Variants in FGD5 observed in about 807,000 individuals in gnomAD.
FGD5 encodes FYVE, RhoGEF and PH domain containing 5.
A neutral mutation model predicts 133.4 loss-of-function variants in FGD5; 28 were observed. The ratio of observed to expected loss-of-function variants is 0.21; its 90% confidence interval spans 0.16 to 0.29. The LOEUF (loss-of-function observed/expected upper bound fraction) is 0.29. Ranked by LOEUF, FGD5 falls within the 10% of genes least tolerant of loss-of-function variation. FGD5 has a pLI of 1.00. For missense variants in FGD5, 1,858 were observed against 1,895.2 expected (o/e 0.98, Z 0.36); for synonymous variants, 810 against 776.5 (o/e 1.04, Z -0.72).
intron 2 of FGD5, among the ~76,000 whole-genome samples, chr3:14,876,535 A>C (rs1403293927): frequency 1.3e-5 from 2 of 152,332 alleles, no homozygotes; most frequent in East Asian, 3.9e-4. Context: ...TAAATAAATA[A>C]ATAAATAAAT....
At chr3:14,830,970 AAATC>A (rs939663288) in intron 1 of FGD5, among the ~76,000 whole-genome samples, 3 of 152,250 alleles carry the variant, frequency 2.0e-5, no homozygotes, top group Non-Finnish European at 2.9e-5. Context: ...AAGAATAAAA[AAATC>A]AATGTGATAC....
chr3:14,906,019 G>A lies in FGD5; in HGVS notation c.3265-1621G>A, dbSNP rs116598944. Among the ~76,000 whole-genome samples the A allele has an allele frequency of 7.2e-3, 1,098 of 152,234 alleles. 14 individuals are homozygous for A. The highest frequency in any genetic ancestry group is 0.025 in the African/African-American group (1,043 of 41,514). ...TGATCTGGGTTTGGGTTTTGCTGCC[G>A]TGTCATCAACCTTCAGTGACTGCCA... On this transcript the variant is annotated intron_variant, in intron 9 of 19. Transcript: ENST00000285046.
At chr3:14,822,793 C>G (rs771578348) in intron 1 of FGD5, among the ~76,000 whole-genome samples, 25 of 152,214 alleles carry the variant, frequency 1.6e-4, no homozygotes, top group Non-Finnish European at 2.8e-4. Flanking sequence ...TGTGCAGAAA[C>G]TTAAACCAGT....
chr3:14,813,101 G>T (rs910589927), intron 1 of FGD5, among the ~76,000 whole-genome samples: 1 of 152,118 alleles, frequency 6.6e-6, no homozygotes, highest in African/African-American at 2.4e-5. Flanking sequence ...TGCCTAACAC[G>T]TAGTAGGGTG....
intron 18 of FGD5, chr3:14,931,001 T>TC (rs1489832045): frequency 7.2e-4 from 109 of 152,260 alleles, no homozygotes; most frequent in African/African-American, 2.4e-3. Flanking sequence ...CACAAATAGT[T>TC]CTACCTCTTT....
chr3:14,818,786 T>G (rs6769930), upstream of FGD5, among the ~76,000 whole-genome samples: 6,188 of 151,856 alleles, frequency 0.041, 409 homozygotes, highest in African/African-American at 0.14. Flanking sequence ...AATCAAGGGG[T>G]TTTAAAGATT....
At chr3:14,881,100 A>T (rs1219657599) in intron 4 of FGD5, among the ~76,000 whole-genome samples, 1 of 151,880 alleles carries the variant, frequency 6.6e-6, no homozygotes, top group East Asian at 1.9e-4. Context: ...GCTATGTGTG[A>T]GTTTGTGTAT....
intron 10 of FGD5, 59 bp from the exon 11 acceptor site, chr3:14,910,802 C>G: frequency 6.5e-7 from 1 of 1,534,666 alleles, no homozygotes; most frequent in Admixed American, 1.8e-5. Flanking sequence ...CCCCTGCACC[C>G]TTGTCTGGGA....
intron 4 of FGD5, among the ~76,000 whole-genome samples, chr3:14,892,937 T>C (rs2038058506): frequency 6.6e-6 from 1 of 152,222 alleles, no homozygotes; most frequent in African/African-American, 2.4e-5. Context: ...GGAATCATCT[T>C]TCCTGAGTGT....
At chr3:14,822,252 T>C (rs570736729) in intron 1 of FGD5, among the ~76,000 whole-genome samples, 1 of 152,370 alleles carries the variant, frequency 6.6e-6, no homozygotes, top group East Asian at 1.9e-4. Flanking sequence ...CCTAGGTAGA[T>C]GGCTTTGCTA....
intron 4 of FGD5, among the ~76,000 whole-genome samples, chr3:14,882,133 G>T (rs1173336208): frequency 6.6e-6 from 1 of 152,088 alleles, no homozygotes; most frequent in African/African-American, 2.4e-5. Flanking sequence ...AAATGTACCA[G>T]CCCCCATTCA....
intron 4 of FGD5, among the ~76,000 whole-genome samples, chr3:14,889,751 G>A (rs1171616436): frequency 6.6e-6 from 1 of 152,144 alleles, no homozygotes; most frequent in African/African-American, 2.4e-5. Context: ...TGATTGTGTA[G>A]TGGTGTCTCC....
At chr3:14,811,205 C>T (rs1441957690) in intron 1 of FGD5, among the ~76,000 whole-genome samples, 1 of 152,176 alleles carries the variant, frequency 6.6e-6, no homozygotes, top group Non-Finnish European at 1.5e-5. Context: ...GCAAAAGCGA[C>T]TTCGTCTGGC....
At chr3:14,883,763 A>G (rs376692609) in intron 4 of FGD5, among the ~76,000 whole-genome samples, 1 of 152,208 alleles carries the variant, frequency 6.6e-6, no homozygotes, top group Non-Finnish European at 1.5e-5. Flanking sequence ...GTGAACAGAC[A>G]ATTTACATTA....
At chr3:14,821,738 A>G (rs2036508427) in intron 1 of FGD5, 142 bp downstream of exon 1, 11 of 1,183,962 alleles carry the variant, frequency 9.3e-6, no homozygotes, top group South Asian at 7.2e-5. Context: ...GAGTGGCTTT[A>G]TATCTCTGAG....
At position 14,880,564 on chromosome 3, in the gene FGD5, T is replaced by C; in HGVS notation, c.2659-8T>C. ...TGTCCCACCTGATTGCTCTCTTTCCTCCCACAGGTGGAAGGACAGTCCAGA... is the reference window on the plus strand; with the variant it reads ...TGTCCCACCTGATTGCTCTCTTTCCCCCCACAGGTGGAAGGACAGTCCAGA... On this transcript the variant is annotated splice_polypyrimidine_tract_variant and splice_region_variant and intron_variant, in intron 2 of 19. Transcript: ENST00000285046. 6.2e-7 allele frequency: 1 copy of C among 1,613,296 alleles called. No individual in the cohort carries two copies. The highest frequency in any genetic ancestry group is 8.5e-7 in the Non-Finnish European group (1 of 1,179,522).
chr3:14,900,286 G>C lies in FGD5; in HGVS notation c.3155-117G>C, dbSNP rs139603234. The C allele has an allele frequency of 1.8e-3, 1,786 of 978,324 alleles. 17 individuals are homozygous for C. The African/African-American group carries it at 0.025, about 14-fold the overall frequency. The allele number at this position is 978,324 out of a possible 1,614,324, so 60.6% of individuals were successfully genotyped here. A position where few individuals can be genotyped will look rare whatever the true frequency, so the allele number is the denominator to read the frequency against. On this transcript the variant is annotated intron_variant, in intron 7 of 19. Coordinates refer to ENST00000285046, the MANE Select transcript of FGD5 (RefSeq NM_152536.4). ...TGGTATTGTGATGGGGCCAGCAGGG[G>C]AGAGAGGGTGGATGCTTCATTCTTC...
intron 1 of FGD5, among the ~76,000 whole-genome samples, chr3:14,829,595 G>A (rs952139285): frequency 2.0e-5 from 3 of 152,124 alleles, no homozygotes; most frequent in Non-Finnish European, 4.4e-5. Flanking sequence ...TCATTCTTTT[G>A]TCTTTTACAG....
At position 14,933,605 on chromosome 3, in the gene FGD5, TA is replaced by T. The variant is rs1224538085; in HGVS notation, c.*440del. The T allele has an allele frequency of 5.4e-6, 1 of 185,248 alleles. No individual in the cohort carries two copies. Among genetic ancestry groups the T allele is most frequent in the Non-Finnish European group, 1.1e-5 (1 of 87,014 alleles). The allele number at this position is 185,248 out of a possible 1,614,324, so 11.5% of individuals were successfully genotyped here. A position where few individuals can be genotyped will look rare whatever the true frequency, so the allele number is the denominator to read the frequency against. ...CTCAGGTGAAATGAGAAGCTATCAG[TA>T]ACAGCTACTCTCATCGAAAGCACTT... is the stretch of plus-strand genomic sequence containing the variant. On this transcript the variant is annotated 3_prime_UTR_variant, in exon 20 of 20. Coordinates refer to ENST00000285046, the MANE Select transcript of FGD5 (RefSeq NM_152536.4).
Sources: allele counts gnomAD v4.1 joint callset (sites outside exome capture counted in the v4.1 genomes callset), GRCh38; gene constraint gnomAD v4.1.1; transcripts MANE v1.5; gene names NCBI Gene and HGNC (gene_info 2026-07-23, HGNC 2026-07-21).